The following LMTK2 variants were observed in gnomAD, a reference collection of about 807,000 sequenced individuals.
LMTK2 encodes the protein lemur tail kinase 2.
LMTK2 carries 37 observed loss-of-function variants against 127.5 expected under a neutral mutation model. The observed-to-expected ratio is 0.29, with a 90% CI of 0.22 to 0.38. The LOEUF (loss-of-function observed/expected upper bound fraction) is 0.38. Ranked by LOEUF, LMTK2 falls within the 10% of genes least tolerant of loss-of-function variation. LMTK2 has a pLI of 1.00. For synonymous variants in LMTK2, 819 were observed against 810.1 expected (o/e 1.01, Z -0.19); for missense variants, 1,694 against 1,920.3 (o/e 0.88, Z 2.20).
At chr7:98,158,996 T>C (rs1796972919) in intron 5 of LMTK2, among the ~76,000 whole-genome samples, 1 of 152,196 alleles carries the variant, frequency 6.6e-6, no homozygotes, top group Non-Finnish European at 1.5e-5. Context: ...AGTTGGAGGC[T>C]GCAGTGAGCT....
chr7:98,187,475 T>C (rs1584289701), intron 9 of LMTK2, among the ~76,000 whole-genome samples: 2 of 152,328 alleles, frequency 1.3e-5, no homozygotes, highest in African/African-American at 4.8e-5. Context: ...GCTTTTTTTT[T>C]TCTCTCCTTG....
rs753044039 is a variant in LMTK2 at position 98,203,634 on chromosome 7, G to A, written c.4168G>A (p.Gly1390Ser). 37 of 1,613,220 alleles carry A rather than the reference G, an allele frequency of 2.3e-5. No individual in the cohort carries two copies. The highest frequency in any genetic ancestry group is 6.7e-5 in the East Asian group (3 of 44,868). The change falls in exon 12 of 14, where the codon GGC becomes AGC. Residue 1390 changes from glycine (G) to serine (S), a missense_variant. Physicochemically the swap from Gly to Ser is moderately conservative, Grantham distance 56. Around this residue, in one of 8 missense-constraint regions of LMTK2, gnomAD observed 554 missense variants for 567.7 expected, o/e 0.98. Coordinates refer to ENST00000297293, the MANE Select transcript of LMTK2 (RefSeq NM_014916.4). The part of the protein sequence containing the change: ...GGEACGPDLS[G>S]PAPASGSPYL... Reference sequence around the variant, plus strand: ...AGAGGCGTGCGGCCCGGACCTGAGCGGCCCAGCCCCAGCCTCAGGCTCTCC... The same window carrying A: ...AGAGGCGTGCGGCCCGGACCTGAGCAGCCCAGCCCCAGCCTCAGGCTCTCC...
In LMTK2 at chr7:98,191,241, C is replaced by T. The variant is rs913964851; in HGVS notation, c.1148+364C>T. 3.9e-5 allele frequency among the ~76,000 whole-genome samples: 6 copies of T among 152,128 alleles called. 1 individual carries two copies. The highest frequency in any genetic ancestry group is 1.4e-4 in the African/African-American group (6 of 41,444). On this transcript the variant is annotated intron_variant, in intron 10 of 13. Coordinates refer to ENST00000297293, the MANE Select transcript of LMTK2 (RefSeq NM_014916.4). ...AGGATTACAAGTGTGAGCCAGGGTG[C>T]CTGGCCTCTTTTGATATTTTTAACT...
At chr7:98,156,431 C>T (rs1796926036) in intron 5 of LMTK2, among the ~76,000 whole-genome samples, 1 of 151,684 alleles carries the variant, frequency 6.6e-6, no homozygotes, top group Non-Finnish European at 1.5e-5. Context: ...CGCCACTGCA[C>T]TCCAGCCTGG....
chr7:98,119,333 A>T (rs1212318698), intron 1 of LMTK2, among the ~76,000 whole-genome samples: 1 of 152,174 alleles, frequency 6.6e-6, no homozygotes. Flanking sequence ...GGAGGAAAAC[A>T]TTCCATTTGA....
intron 7 of LMTK2, among the ~76,000 whole-genome samples, chr7:98,172,286 T>TTGAA (rs1797205290): frequency 6.6e-6 from 1 of 151,624 alleles, no homozygotes; most frequent in African/African-American, 2.4e-5. Flanking sequence ...CAGGCCCCAC[T>TTGAA]TGAATGACCA....
intron 5 of LMTK2, among the ~76,000 whole-genome samples, chr7:98,157,740 C>T (rs1004587393): frequency 6.6e-6 from 1 of 150,890 alleles, no homozygotes; most frequent in African/African-American, 2.4e-5. Context: ...CAAAAGGTCA[C>T]ATACTATACC....
chr7:98,175,396 A>G (rs1452897745), intron 7 of LMTK2, among the ~76,000 whole-genome samples: 2 of 152,190 alleles, frequency 1.3e-5, no homozygotes, highest in Non-Finnish European at 2.9e-5. Context: ...AGGAGAGAAG[A>G]TAGTGGGAGA....
In LMTK2 at chr7:98,107,935, TC is replaced by T. The variant is rs143105012; in HGVS notation, c.103+663del. Among the ~76,000 whole-genome samples, 17 of 150,906 alleles carry T rather than the reference TC, an allele frequency of 1.1e-4. No individual in the cohort carries two copies. The East Asian group carries it at 1.2e-3, about 10-fold the overall frequency. On this transcript the variant is annotated intron_variant, in intron 1 of 13. Coordinates refer to ENST00000297293, the MANE Select transcript of LMTK2 (RefSeq NM_014916.4). ...AACGTCAGTGTATGATTTTCTTTTC[TC>T]CCCCCCCGCCCATTTTCTCAACATC...
chr7:98,178,663 A>G (rs1797309131), intron 7 of LMTK2, among the ~76,000 whole-genome samples: 1 of 152,252 alleles, frequency 6.6e-6, no homozygotes, highest in African/African-American at 2.4e-5. Context: ...TCTGTTGTTA[A>G]GAAGTGACAC....
chr7:98,140,077 A>G (rs1796653946), intron 2 of LMTK2, among the ~76,000 whole-genome samples: 1 of 23,710 alleles, frequency 4.2e-5, no homozygotes, highest in Admixed American at 3.2e-4. Flanking sequence ...GGTTTCCACA[A>G]CTTTCTTTCT....
chr7:98,164,307 A>G (rs937117714), intron 6 of LMTK2, among the ~76,000 whole-genome samples: 4 of 152,196 alleles, frequency 2.6e-5, no homozygotes, highest in Non-Finnish European at 5.9e-5. Flanking sequence ...TCACTCACTC[A>G]ACAAAAATGG....
chr7:98,160,973 T>C (rs1797006609), intron 6 of LMTK2, among the ~76,000 whole-genome samples: 1 of 152,252 alleles, frequency 6.6e-6, no homozygotes, highest in Non-Finnish European at 1.5e-5. Flanking sequence ...TTTTCTTCTC[T>C]GGTTTACACC....
chr7:98,189,899 A>G (rs1797497214), intron 9 of LMTK2, among the ~76,000 whole-genome samples: 1 of 152,212 alleles, frequency 6.6e-6, no homozygotes, highest in Non-Finnish European at 1.5e-5. Flanking sequence ...GAGTAACTCA[A>G]ACCAAACTTG....
At chr7:98,140,788 G>T (rs190312162) in intron 2 of LMTK2, among the ~76,000 whole-genome samples, 5 of 151,754 alleles carry the variant, frequency 3.3e-5, no homozygotes, top group African/African-American at 9.7e-5. Context: ...TTGGCCAGGC[G>T]CTGTGGCTAA....
intron 3 of LMTK2, among the ~76,000 whole-genome samples, chr7:98,148,522 A>G (rs977448529): frequency 2.0e-5 from 3 of 150,780 alleles, no homozygotes; most frequent in African/African-American, 7.3e-5. Flanking sequence ...AATAATAATA[A>G]TAAATAAAAA....
chr7:98,145,827 G>A (rs187436437), intron 3 of LMTK2, among the ~76,000 whole-genome samples: 29 of 152,224 alleles, frequency 1.9e-4, no homozygotes, highest in Admixed American at 3.9e-4. Context: ...ATGAAGTCCA[G>A]TTTATCTGTT....
At chr7:98,129,761 G>T (rs150423515) in intron 1 of LMTK2, among the ~76,000 whole-genome samples, 1 of 151,910 alleles carries the variant, frequency 6.6e-6, no homozygotes, top group Non-Finnish European at 1.5e-5. Context: ...ATTTTCCCTC[G>T]CTTGCTCATG....
chr7:98,112,163 A>C (rs1443075412), intron 1 of LMTK2, among the ~76,000 whole-genome samples: 1 of 152,210 alleles, frequency 6.6e-6, no homozygotes, highest in Non-Finnish European at 1.5e-5. Context: ...GAAACCAGAG[A>C]GATGAATGTG....
Sources: allele counts gnomAD v4.1 joint callset (sites outside exome capture counted in the v4.1 genomes callset), GRCh38; gene constraint gnomAD v4.1.1; regional missense constraint gnomAD v4.1.1; transcripts MANE v1.5; gene names NCBI Gene and HGNC (gene_info 2026-07-23, HGNC 2026-07-21).